Variants in ARPC2 observed in about 807,000 individuals in gnomAD.
The protein encoded by ARPC2 is actin-related protein 2/3 complex subunit 2.
Under a neutral mutation model 38.6 loss-of-function variants are expected in ARPC2, and 4 were observed. The observed-to-expected ratio is 0.10, with a 90% CI of 0.05 to 0.24. The LOEUF is 0.24. ARPC2 is among the 10% of genes least tolerant of loss of function. ARPC2 has a pLI of 1.00. For synonymous variants in ARPC2, 125 were observed against 140.8 expected (o/e 0.89, Z 0.79); for missense variants, 229 against 387.3 (o/e 0.59, Z 3.43).
intron 4 of ARPC2, among the ~76,000 whole-genome samples, chr2:218,230,868 C>G (rs1178102487): frequency 6.6e-6 from 1 of 152,056 alleles, no homozygotes; most frequent in African/African-American, 2.4e-5. Context: ...AGGAAAAGAT[C>G]TAAATGCAAT....
chr2:218,226,151 G>A (rs1215506598), intron 3 of ARPC2, among the ~76,000 whole-genome samples, 197 bp downstream of exon 3: 2 of 151,916 alleles, frequency 1.3e-5, no homozygotes, highest in Non-Finnish European at 2.9e-5. Context: ...AAATTAGCCG[G>A]GCATGGTGGT....
chr2:218,235,565 AT>A (rs940406194), intron 5 of ARPC2: 1 of 152,132 alleles, frequency 6.6e-6, no homozygotes, highest in African/African-American at 2.4e-5. Flanking sequence ...AAAAGCCAAG[AT>A]AACACTGTAG....
At chr2:218,234,476 G>A (rs185249044) in intron 5 of ARPC2, 79 bp downstream of exon 5, 26 of 1,148,122 alleles carry the variant, frequency 2.3e-5, no homozygotes, top group Non-Finnish European at 3.2e-5. Context: ...TTTACCCAAA[G>A]GATTTCGTTT....
At chr2:218,249,023 C>T (rs1019901596) in intron 8 of ARPC2, among the ~76,000 whole-genome samples, 1 of 152,222 alleles carries the variant, frequency 6.6e-6, no homozygotes, top group East Asian at 1.9e-4. Flanking sequence ...TTAGTGTGAT[C>T]CTGGAGTGTG....
chr2:218,244,154 T>A (rs762572106), intron 7 of ARPC2, among the ~76,000 whole-genome samples: 16 of 152,248 alleles, frequency 1.1e-4, no homozygotes, highest in Non-Finnish European at 2.2e-4. Context: ...TTTTGGATAT[T>A]TTTCCTTCGG....
intron 3 of ARPC2, among the ~76,000 whole-genome samples, chr2:218,226,631 A>C (rs1407910201): frequency 1.3e-5 from 2 of 150,664 alleles, no homozygotes; most frequent in Non-Finnish European, 3.0e-5. Context: ...CATCTCAAAA[A>C]AAAAAAAAAA....
chr2:218,229,502 G>A (rs1689581865), intron 4 of ARPC2, among the ~76,000 whole-genome samples: 1 of 152,228 alleles, frequency 6.6e-6, no homozygotes, highest in East Asian at 1.9e-4. Context: ...GGGTCTCAAA[G>A]CAGGAAATAT....
At chr2:218,239,314 A>T (rs1689852466) in intron 6 of ARPC2, 77 bp from the exon 7 acceptor site, 1 of 1,002,332 alleles carries the variant, frequency 1.0e-6, no homozygotes, top group Non-Finnish European at 1.6e-6. Flanking sequence ...TAGCCTTCTG[A>T]TGTACTTGTA....
intron 4 of ARPC2, chr2:218,229,137 G>A (rs942848066): frequency 4.9e-6 from 1 of 205,314 alleles, no homozygotes; most frequent in Non-Finnish European, 1.0e-5. Context: ...GCAAGAATTA[G>A]GTTCTGTTCT....
chr2:218,254,008 T>TTA lies in ARPC2; in HGVS notation c.*94_*95insAT, dbSNP rs1309523674. 6.5e-7 allele frequency: 1 copy of TTA among 1,536,402 alleles called. No individual in the cohort carries two copies. The highest frequency in any genetic ancestry group is 8.9e-7 in the Non-Finnish European group (1 of 1,117,866). On this transcript the variant is annotated 3_prime_UTR_variant, in exon 11 of 11. Coordinates refer to ENST00000315717, the MANE Select transcript of ARPC2 (RefSeq NM_152862.3). ...GCTTTTAATGTTGCGCCTCTTCAGG[T>TTA]TCTTAAGGGATTCTCCGTTTTGGTT... is the stretch of plus-strand genomic sequence containing the variant.
intron 7 of ARPC2, among the ~76,000 whole-genome samples, chr2:218,242,860 G>A (rs1689946675): frequency 6.6e-6 from 1 of 152,132 alleles, no homozygotes; most frequent in Non-Finnish European, 1.5e-5. Flanking sequence ...ACTAGGGAGA[G>A]TAGCCTTTCA....
chr2:218,239,490 G>C lies in ARPC2; in HGVS notation c.549+6G>C, dbSNP rs201659815. The C allele has an allele frequency of 1.9e-6, 3 of 1,611,150 alleles. No individual in the cohort carries two copies. Among genetic ancestry groups the C allele is most frequent in the Middle Eastern group, 1.7e-4 (1 of 6,054 alleles). ...TTGGAAAGGTGTTCATGCAGGTATG[G>C]AGCAGACATCTTGGGGGAAACCCAT... On this transcript the variant is annotated splice_donor_region_variant and intron_variant, in intron 7 of 10. Coordinates refer to ENST00000315717, the MANE Select transcript of ARPC2 (RefSeq NM_152862.3).
At chr2:218,244,150 A>G (rs988498701) in intron 7 of ARPC2, among the ~76,000 whole-genome samples, 1 of 152,152 alleles carries the variant, frequency 6.6e-6, no homozygotes, top group Non-Finnish European at 1.5e-5. Flanking sequence ...TCCTTTTTGG[A>G]TATTTTTCCT....
chr2:218,248,768 A>G (rs1461566092), intron 8 of ARPC2, among the ~76,000 whole-genome samples: 3 of 152,268 alleles, frequency 2.0e-5, no homozygotes, highest in Admixed American at 6.5e-5. Flanking sequence ...AGCCTCACAC[A>G]GGTCTTTAGG....
At chr2:218,238,894 A>G (rs1462811805) in intron 6 of ARPC2, 44 bp downstream of exon 6, 2 of 1,445,360 alleles carry the variant, frequency 1.4e-6, no homozygotes, top group Middle Eastern at 1.8e-4. Context: ...TGGCTGCTAC[A>G]CCACCATGGC....
At chr2:218,236,268 T>C (rs1689766997) in intron 5 of ARPC2, 1 of 152,222 alleles carries the variant, frequency 6.6e-6, no homozygotes, top group Non-Finnish European at 1.5e-5. Context: ...GCTATAGTTT[T>C]ATTTGCTCTT....
intron 4 of ARPC2, among the ~76,000 whole-genome samples, chr2:218,232,546 A>ATTTTTT (rs71064418): frequency 6.0e-5 from 5 of 83,144 alleles, no homozygotes; most frequent in African/African-American, 8.8e-5. Flanking sequence ...GCCAGACTCA[A>ATTTTTT]TTTTTTTTTT....
At chr2:218,237,381 T>TAG (rs368043668) in intron 5 of ARPC2, among the ~76,000 whole-genome samples, 14 of 151,930 alleles carry the variant, frequency 9.2e-5, no homozygotes, top group African/African-American at 3.4e-4. Context: ...GTATTTTTAT[T>TAG]AGAGACGGGG....
At chr2:218,250,712 C>T (rs1690168697) in intron 10 of ARPC2, among the ~76,000 whole-genome samples, 1 of 151,768 alleles carries the variant, frequency 6.6e-6, no homozygotes, top group Non-Finnish European at 1.5e-5. Context: ...GGGTGTGGCT[C>T]TGCATGCAGG....
Sources: allele counts gnomAD v4.1 joint callset (sites outside exome capture counted in the v4.1 genomes callset), GRCh38; gene constraint gnomAD v4.1.1; transcripts MANE v1.5; gene names NCBI Gene and HGNC (gene_info 2026-07-23, HGNC 2026-07-21).